Variants in GHR observed in about 807,000 individuals in gnomAD.
GHR encodes the protein GH receptor.
A neutral mutation model predicts 67.1 loss-of-function variants in GHR; 35 were observed. The observed-to-expected ratio is 0.52, with a 90% CI of 0.40 to 0.69. The LOEUF is 0.69. Among genes scored for constraint, GHR ranks in the 30% least tolerant of loss-of-function variants. The pLI is 0.00. For synonymous variants in GHR, 272 were observed against 269.1 expected (o/e 1.01, Z -0.10); for missense variants, 792 against 764.6 (o/e 1.04, Z -0.42).
chr5:42,454,741 C>T (rs12522421), intron 1 of GHR, among the ~76,000 whole-genome samples: 2,818 of 152,188 alleles, frequency 0.019, 151 homozygotes, highest in East Asian at 0.11. Flanking sequence ...TTTAGATCCA[C>T]GCCTCCTGCT....
chr5:42,496,769 C>T (rs942798363), intron 1 of GHR, among the ~76,000 whole-genome samples: 7 of 151,974 alleles, frequency 4.6e-5, no homozygotes, highest in South Asian at 2.1e-4. Context: ...TTTCACACTC[C>T]GTTTAAATCA....
At chr5:42,694,420 G>A (rs570323936) in intron 4 of GHR, among the ~76,000 whole-genome samples, 169 of 152,208 alleles carry the variant, frequency 1.1e-3, no homozygotes, top group Middle Eastern at 6.8e-3. Context: ...TCTGCACAGC[G>A]TTGGTGCTGG....
At chr5:42,663,273 C>A (rs574831264) in intron 3 of GHR, among the ~76,000 whole-genome samples, 52 of 152,338 alleles carry the variant, frequency 3.4e-4, no homozygotes, top group African/African-American at 1.2e-3. Flanking sequence ...ATACCAAAGC[C>A]TGGCAGAGAC....
intron 2 of GHR, among the ~76,000 whole-genome samples, chr5:42,617,246 A>G (rs747780410): frequency 6.6e-6 from 1 of 151,874 alleles, no homozygotes; most frequent in South Asian, 2.1e-4. Flanking sequence ...TCCCTTAAAA[A>G]AAAAAAAGAA....
chr5:42,473,145 C>T (rs1745082903), intron 1 of GHR, among the ~76,000 whole-genome samples: 1 of 152,160 alleles, frequency 6.6e-6, no homozygotes, highest in African/African-American at 2.4e-5. Flanking sequence ...CACCAGAATT[C>T]ACCCTAACTG....
chr5:42,487,284 C>T (rs898285406), intron 1 of GHR, among the ~76,000 whole-genome samples: 4 of 152,222 alleles, frequency 2.6e-5, no homozygotes, highest in African/African-American at 9.6e-5. Flanking sequence ...ATCTTACCCA[C>T]TTATTCTTGT....
chr5:42,687,776 G>A (rs1336094843), intron 3 of GHR, among the ~76,000 whole-genome samples: 1 of 152,088 alleles, frequency 6.6e-6, no homozygotes, highest in Non-Finnish European at 1.5e-5. Context: ...GAGCCTCCCT[G>A]ATAACCCAGG....
chr5:42,496,004 CAAG>C (rs1326131188), intron 1 of GHR, among the ~76,000 whole-genome samples: 1 of 152,094 alleles, frequency 6.6e-6, no homozygotes, highest in Non-Finnish European at 1.5e-5. Context: ...CTTTTGTTAA[CAAG>C]AAGGAGAAGA....
chr5:42,519,025 G>A (rs976991645), intron 1 of GHR, among the ~76,000 whole-genome samples: 2 of 152,176 alleles, frequency 1.3e-5, no homozygotes, highest in African/African-American at 4.8e-5. Context: ...GTGCTGGAGT[G>A]TTTAGTCCAG....
At chr5:42,532,384 T>C (rs1748015350) in intron 1 of GHR, among the ~76,000 whole-genome samples, 1 of 148,098 alleles carries the variant, frequency 6.8e-6, no homozygotes, top group Non-Finnish European at 1.5e-5. Flanking sequence ...ATGAAATATA[T>C]TTTAGCATAC....
At chr5:42,586,495 T>C (rs1044440591) in intron 2 of GHR, among the ~76,000 whole-genome samples, 3 of 152,250 alleles carry the variant, frequency 2.0e-5, no homozygotes, top group South Asian at 2.1e-4. Flanking sequence ...GATGATAAGA[T>C]AGGACAGTTG....
intron 1 of GHR, among the ~76,000 whole-genome samples, chr5:42,548,953 G>C (rs771364898): frequency 2.0e-5 from 3 of 152,132 alleles, no homozygotes; most frequent in Non-Finnish European, 4.4e-5. Context: ...TTTGCACTCA[G>C]GAAATACTTA....
chr5:42,696,720 A>G (rs1366356802), intron 5 of GHR, among the ~76,000 whole-genome samples: 1 of 152,180 alleles, frequency 6.6e-6, no homozygotes, highest in Non-Finnish European at 1.5e-5. Flanking sequence ...ACCTTTGAGG[A>G]TGTTTAAATA....
intron 3 of GHR, among the ~76,000 whole-genome samples, chr5:42,681,476 G>A (rs1454939323): frequency 2.6e-5 from 4 of 152,212 alleles, no homozygotes; most frequent in African/African-American, 7.2e-5. Flanking sequence ...TGGAGAGGAT[G>A]TGGAGAAATA....
rs747888560 is a variant in GHR, at chr5:42,699,971, A to G, written c.587A>G (p.Tyr196Cys). 2 of 1,602,400 alleles carry G rather than the reference A, an allele frequency of 1.2e-6. No individual in the cohort carries two copies. Among genetic ancestry groups the G allele is most frequent in the African/African-American group, 1.3e-5 (1 of 74,768 alleles). ...GWMVLEYELQYKEVNETKWKM... is the reference protein window; with the variant it reads ...GWMVLEYELQCKEVNETKWKM... Reference sequence around the variant, plus strand: ...ATGGTTCTGGAGTATGAACTTCAATACAAAGAAGTAAATGAAACTAAATGG... The same window carrying G: ...ATGGTTCTGGAGTATGAACTTCAATGCAAAGAAGTAAATGAAACTAAATGG... The change falls in exon 6 of 10, where the codon TAC becomes TGC. Residue 196 changes from tyrosine to cysteine, a missense_variant. Transcript: ENST00000230882.
At chr5:42,616,591 G>T (rs563043959) in intron 2 of GHR, among the ~76,000 whole-genome samples, 25 of 151,994 alleles carry the variant, frequency 1.6e-4, no homozygotes, top group Admixed American at 1.0e-3. Flanking sequence ...TCAATGGAGA[G>T]GCTCAGACTA....
At chr5:42,455,197 G>GT (rs1744210248) in intron 1 of GHR, among the ~76,000 whole-genome samples, 1 of 152,112 alleles carries the variant, frequency 6.6e-6, no homozygotes, top group African/African-American at 2.4e-5. Flanking sequence ...TTGGAGGCAG[G>GT]TTTTCCCCCA....
In GHR at chr5:42,719,493, C is replaced by G. The variant is rs1758916405; in HGVS notation, c.*69C>G. The G allele has an allele frequency of 6.8e-7, 1 of 1,478,552 alleles. No homozygotes were observed. The highest frequency in any genetic ancestry group is 9.4e-7 in the Non-Finnish European group (1 of 1,068,256). 91.6% of individuals were successfully genotyped at this position (1,478,552 alleles called of 1,614,324 possible). A position where few individuals can be genotyped will look rare whatever the true frequency, so the allele number is the denominator to read the frequency against. The stretch of plus-strand genomic sequence containing the variant: ...ATTGACTGGGGCAATAACGTTTAAG[C>G]CAAAACAATGTTTAAACCTTTTTTG... On this transcript the variant is annotated 3_prime_UTR_variant, in exon 10 of 10. Transcript: ENST00000230882.
At chr5:42,528,200 G>C (rs1487123625) in intron 1 of GHR, among the ~76,000 whole-genome samples, 1 of 151,996 alleles carries the variant, frequency 6.6e-6, no homozygotes, top group African/African-American at 2.4e-5. Flanking sequence ...GGCTATAGTT[G>C]CCATAGATAG....
Sources: gnomAD v4.1 joint callset for allele counts (sites outside exome capture counted in the v4.1 genomes callset) on GRCh38, gnomAD v4.1.1 for gene constraint, MANE v1.5 for transcripts, NCBI Gene and HGNC (gene_info 2026-07-23, HGNC 2026-07-21) for gene names.